Variants in NAPEPLD observed in about 807,000 individuals in gnomAD.
NAPEPLD encodes N-acyl-phosphatidylethanolamine-hydrolyzing phospholipase D.
A neutral mutation model predicts 38.1 loss-of-function variants in NAPEPLD; 23 were observed. The observed-to-expected ratio is 0.60, with a 90% CI of 0.43 to 0.86. The LOEUF (loss-of-function observed/expected upper bound fraction) is 0.86. Ranked by LOEUF, NAPEPLD falls within the 40% of genes least tolerant of loss-of-function variation. The pLI, the probability that NAPEPLD is intolerant of heterozygous loss-of-function variation, is 0.00. For synonymous variants in NAPEPLD, 147 were observed against 162.0 expected (o/e 0.91, Z 0.71); for missense variants, 411 against 476.8 (o/e 0.86, Z 1.28).
chr7:103,142,464 G>A (rs915128995), intron 1 of NAPEPLD, among the ~76,000 whole-genome samples: 5 of 152,142 alleles, frequency 3.3e-5, no homozygotes, highest in African/African-American at 1.2e-4. Context: ...AAAATAGCCA[G>A]GCATGGTGGC....
At chr7:103,111,340 T>C (rs575624829) in intron 4 of NAPEPLD, among the ~76,000 whole-genome samples, 12 of 152,238 alleles carry the variant, frequency 7.9e-5, no homozygotes, top group Admixed American at 6.5e-4. Context: ...GGAGGCATCA[T>C]GCTACCTGAC....
chr7:103,131,659 AG>A (rs200253411), intron 1 of NAPEPLD, among the ~76,000 whole-genome samples: 22 of 150,502 alleles, frequency 1.5e-4, no homozygotes, highest in African/African-American at 5.0e-4. Context: ...CTCTGTCTCA[AG>A]GGGAAAAAAA....
intron 2 of NAPEPLD, among the ~76,000 whole-genome samples, chr7:103,124,322 G>T (rs942638556): frequency 4.6e-5 from 7 of 152,088 alleles, no homozygotes; most frequent in African/African-American, 1.7e-4. Context: ...GCCAAGTGTG[G>T]TAGTGCATGC....
At chr7:103,146,494 C>A (rs1812590291) in intron 1 of NAPEPLD, among the ~76,000 whole-genome samples, 1 of 152,164 alleles carries the variant, frequency 6.6e-6, no homozygotes, top group Admixed American at 6.5e-5. Context: ...TATTACTGTC[C>A]CTTAATCTGG....
rs1023441528 is a variant in NAPEPLD, at chr7:103,103,353, G to A, written c.*76C>T. ...AATGTAAAATAATCACAATATTCATGAATTTCTAAGTCTTTTCATTTGTTT... is the reference window on the plus strand; with the variant it reads ...AATGTAAAATAATCACAATATTCATAAATTTCTAAGTCTTTTCATTTGTTT... On this transcript the variant is annotated 3_prime_UTR_variant, in exon 5 of 5. Transcript: ENST00000465647. The A allele has an allele frequency of 2.1e-6, 3 of 1,419,130 alleles. No homozygotes were observed. In the African/African-American group the frequency reaches 4.4e-5, roughly 21 times the overall value. The allele number at this position is 1,419,130 out of a possible 1,614,324, so 87.9% of individuals were successfully genotyped here.
chr7:103,113,510 G>A (rs756620845), intron 4 of NAPEPLD, among the ~76,000 whole-genome samples: 5 of 151,566 alleles, frequency 3.3e-5, no homozygotes, highest in Non-Finnish European at 7.4e-5. Context: ...CTGAGTTCCT[G>A]CAGAGAGGCT....
In NAPEPLD at chr7:103,134,136, A is replaced by G. The variant is rs569863706; in HGVS notation, c.-16-5344T>C. ...TATCTCAAAATGGATGAAATATAGC[A>G]TTTTGTGTTGGAAAATAAATACGTT... is the stretch of plus-strand genomic sequence containing the variant. On this transcript the variant is annotated intron_variant, in intron 1 of 4. Coordinates refer to ENST00000465647, the MANE Select transcript of NAPEPLD (RefSeq NM_001122838.3). Among the ~76,000 whole-genome samples the G allele has an allele frequency of 3.3e-5, 5 of 152,346 alleles. No homozygotes were observed. In the South Asian group the frequency reaches 1.0e-3, roughly 32 times the overall value.
chr7:103,145,225 T>C (rs1812295067), intron 1 of NAPEPLD, among the ~76,000 whole-genome samples: 1 of 152,206 alleles, frequency 6.6e-6, no homozygotes, highest in African/African-American at 2.4e-5. Flanking sequence ...AAAATTATAA[T>C]GCTATACGTA....
intron 4 of NAPEPLD, among the ~76,000 whole-genome samples, chr7:103,109,131 A>G (rs1307376629): frequency 1.3e-5 from 2 of 152,210 alleles, no homozygotes; most frequent in East Asian, 3.8e-4. Flanking sequence ...CTCCCACACA[A>G]TAATAGTGGA....
intron 1 of NAPEPLD, among the ~76,000 whole-genome samples, chr7:103,144,296 G>GT (rs1253866941): frequency 6.6e-6 from 1 of 151,982 alleles, no homozygotes; most frequent in South Asian, 2.1e-4. Flanking sequence ...CTTTTGTTTT[G>GT]TTTTTTTGGC....
chr7:103,131,597 T>C (rs2129531638), intron 1 of NAPEPLD, among the ~76,000 whole-genome samples: 1 of 150,620 alleles, frequency 6.6e-6, no homozygotes, highest in East Asian at 2.0e-4. Flanking sequence ...GAGGCAGAGG[T>C]TGCAGTGAGC....
chr7:103,128,776 TG>T lies in NAPEPLD; in HGVS notation c.-1del, dbSNP rs1330841575. On this transcript the variant is annotated 5_prime_UTR_variant, in exon 2 of 5. Transcript: ENST00000465647. ...GACTGGTTGCTTTCATTTTCATCCA[TG>T]TCCTTTGGTGAAGAACTAAAAAAAA... is the stretch of plus-strand genomic sequence containing the variant. 6.2e-7 allele frequency: 1 copy of T among 1,606,270 alleles called. No individual in the cohort carries two copies. The highest frequency in any genetic ancestry group is 2.2e-5 in the East Asian group (1 of 44,846).
intron 1 of NAPEPLD, among the ~76,000 whole-genome samples, chr7:103,146,609 T>C (rs1040084288): frequency 1.9e-4 from 29 of 152,206 alleles, no homozygotes; most frequent in Non-Finnish European, 3.8e-4. Flanking sequence ...ATCAAGATTT[T>C]GAATTATGCT....
At position 103,103,548 on chromosome 7, in the gene NAPEPLD, A is replaced by G; in HGVS notation, c.1063T>C (p.Leu355=). The G allele has an allele frequency of 2.5e-6, 4 of 1,576,608 alleles. No individual in the cohort carries two copies. The highest frequency in any genetic ancestry group is 3.4e-6 in the Non-Finnish European group (4 of 1,170,158). ...GTFALANEHY[L]EPPVKLNEAL... is the part of the protein sequence containing the mutation. ...TCATTCAGCTTCACTGGAGGCTCTA[A>G]GTAATGCTGGCCAAAGAGAAAGAAG... Residue 355 remains leucine (L), a synonymous_variant, in exon 5 of 5, where the codon TTA becomes CTA. Coordinates refer to ENST00000465647, the MANE Select transcript of NAPEPLD (RefSeq NM_001122838.3).
intron 3 of NAPEPLD, among the ~76,000 whole-genome samples, chr7:103,117,894 T>A (rs554209928): frequency 6.6e-6 from 1 of 152,294 alleles, no homozygotes; most frequent in East Asian, 1.9e-4. Context: ...ATTAAGAACA[T>A]ACATCAGGCT....
chr7:103,146,026 CTTAGT>C (rs1002485994), intron 1 of NAPEPLD, among the ~76,000 whole-genome samples: 3 of 152,084 alleles, frequency 2.0e-5, no homozygotes, highest in Non-Finnish European at 2.9e-5. Flanking sequence ...ATATAGACAG[CTTAGT>C]TTAGAGAGCT....
At chr7:103,114,273 G>C (rs1399590646) in intron 4 of NAPEPLD, among the ~76,000 whole-genome samples, 1 of 152,130 alleles carries the variant, frequency 6.6e-6, no homozygotes, top group Non-Finnish European at 1.5e-5. Flanking sequence ...ACTATCCTCT[G>C]CTTGATCCCA....
At position 103,119,919 on chromosome 7, in the gene NAPEPLD, T is replaced by C. The variant is rs767669010; in HGVS notation, c.599A>G (p.Asn200Ser). ...HLDYNSVIAL[N>S]ERFGNELRWF... ...TCTCAACTCATTACCAAATCGCTCA[T>C]TCAAAGCAATGACAGAATTGTAGTC... The change falls in exon 3 of 5, where the codon AAT (asparagine) becomes AGT (serine). Residue 200 changes from asparagine (N) to serine (S), a missense_variant. Asn to Ser is a conservative substitution (Grantham distance 46, BLOSUM62 1). Transcript: ENST00000465647. 6.2e-7 allele frequency: 1 copy of C among 1,614,218 alleles called. No homozygotes were observed. Among genetic ancestry groups the C allele is most frequent in the South Asian group, 1.1e-5 (1 of 91,084 alleles).
chr7:103,147,030 T>C (rs1812706404), intron 1 of NAPEPLD, among the ~76,000 whole-genome samples: 1 of 152,240 alleles, frequency 6.6e-6, no homozygotes, highest in Admixed American at 6.5e-5. Flanking sequence ...AGACTATCTC[T>C]AACATAAAAC....
Sources: gnomAD v4.1 joint callset for allele counts (sites outside exome capture counted in the v4.1 genomes callset) on GRCh38, gnomAD v4.1.1 for gene constraint, MANE v1.5 for transcripts, NCBI Gene and HGNC (gene_info 2026-07-23, HGNC 2026-07-21) for gene names.